The following TMEM184C variants were observed in gnomAD, a reference collection of about 807,000 sequenced individuals.
The protein encoded by TMEM184C is transmembrane protein 184C.
A neutral mutation model predicts 54.5 loss-of-function variants in TMEM184C; 25 were observed. The ratio of observed to expected loss-of-function variants is 0.46; its 90% CI spans 0.33 to 0.64. TMEM184C has a LOEUF of 0.64. Among genes scored for constraint, TMEM184C ranks in the 30% least tolerant of loss-of-function variants. The probability of loss-of-function intolerance (pLI) is 0.02; values close to 1 mark genes in which losing one functional copy is unlikely to be tolerated. For synonymous variants in TMEM184C, 148 were observed against 181.5 expected, an observed-to-expected ratio of 0.82 and a Z score of 1.49; for missense variants, 335 against 520.3, an observed-to-expected ratio of 0.64 and a Z score of 3.46.
intron 1 of TMEM184C, among the ~76,000 whole-genome samples, chr4:147,623,619 C>A (rs1732756401): frequency 6.9e-6 from 1 of 144,648 alleles, no homozygotes; most frequent in Non-Finnish European, 1.5e-5. Context: ...GTCCCCCCTC[C>A]CCCACAAATT....
Position 147,634,168 on chromosome 4 carries a change from G to A in TMEM184C, c.1052-1G>A, listed in dbSNP as rs1732968086. The A allele has an allele frequency of 6.2e-7, 1 of 1,611,318 alleles. No individual in the cohort carries two copies. Among genetic ancestry groups the A allele is most frequent in the South Asian group, 1.1e-5 (1 of 90,810 alleles). On this transcript the variant is annotated splice_acceptor_variant, in intron 9 of 9. Coordinates refer to ENST00000296582, the MANE Select transcript of TMEM184C (RefSeq NM_018241.3). LOFTEE classifies it high-confidence loss of function. ...GACTAACAGAAAACTTTATATTAAA[G>A]GACGGACAGTCAGGGGACATCCCAG...
intron 1 of TMEM184C, among the ~76,000 whole-genome samples, chr4:147,623,185 G>T (rs937719362): frequency 6.6e-6 from 1 of 152,158 alleles, no homozygotes; most frequent in Non-Finnish European, 1.5e-5. Context: ...GGTGGCTCAT[G>T]CCTGTAATCC....
At chr4:147,618,111 C>T in intron 1 of TMEM184C, 32 bp downstream of exon 1, 1 of 1,612,956 alleles carries the variant, frequency 6.2e-7, no homozygotes. Flanking sequence ...AGCCTGTACA[C>T]TTTCTTCTAC....
chr4:147,634,233 T>C lies in TMEM184C; in HGVS notation c.1116T>C (p.His372=), dbSNP rs145228205. 1.5e-4 allele frequency: 244 copies of C among 1,614,110 alleles called. 1 individual carries two copies. The African/African-American group carries it at 2.5e-3, about 16-fold the overall frequency. ...CCGAGGATCAAGATCAAAATGAACA[T>C]ACAAGTTTATTATCATCATCATCAC... ...LFPEDQDQNE[H]TSLLSSSSQD... is the part of the protein sequence containing the mutation. Residue 372 remains histidine, a synonymous_variant, in exon 10 of 10, where the codon CAT becomes CAC. Coordinates refer to ENST00000296582, the MANE Select transcript of TMEM184C (RefSeq NM_018241.3).
Position 147,633,863 on chromosome 4 carries a change from C to T in TMEM184C, c.978C>T (p.Cys326=), listed in dbSNP as rs756409717. 8.5e-5 allele frequency: 137 copies of T among 1,613,760 alleles called. No individual in the cohort carries two copies. The highest frequency in any genetic ancestry group is 1.1e-4 in the Non-Finnish European group (132 of 1,179,966). Residue 326 remains cysteine (C), a synonymous_variant, in exon 9 of 10, where the codon TGC becomes TGT. Coordinates refer to ENST00000296582, the MANE Select transcript of TMEM184C (RefSeq NM_018241.3). The stretch of plus-strand genomic sequence containing the variant: ...TCCAAGAAGCAGAAGAGGGCTCATG[C>T]TTTGATTCCTTTCTTGCCATGTGGG... ...PYVQEAEEGS[C]FDSFLAMWDV...
At chr4:147,621,322 T>G (rs1732704431) in intron 1 of TMEM184C, among the ~76,000 whole-genome samples, 1 of 152,192 alleles carries the variant, frequency 6.6e-6, no homozygotes, top group Admixed American at 6.5e-5. Context: ...AACTTATTCT[T>G]GGATGCTTGT....
At chr4:147,618,115 C>G (rs767931767) in intron 1 of TMEM184C, 36 bp downstream of exon 1, 4 of 1,612,324 alleles carry the variant, frequency 2.5e-6, no homozygotes, top group African/African-American at 2.7e-5. Flanking sequence ...TGTACACTTT[C>G]TTCTACCCAT....
chr4:147,634,028 A>AAAAG, intron 9 of TMEM184C, 92 bp downstream of exon 9: 2 of 1,523,834 alleles, frequency 1.3e-6, no homozygotes, highest in Admixed American at 4.1e-5. Flanking sequence ...TAGAGATGAA[A>AAAAG]AAAGACTTTA....
rs1733004340 is a variant in TMEM184C at position 147,635,418 on chromosome 4, A to G, written c.*984A>G. 6.6e-6 allele frequency: 1 copy of G among 152,222 alleles called. No individual in the cohort carries two copies. Among genetic ancestry groups the G allele is most frequent in the Non-Finnish European group, 1.5e-5 (1 of 68,028 alleles). The allele number at this position is 152,222 out of a possible 1,614,324, so 9.4% of individuals were successfully genotyped here. A position where few individuals can be genotyped will look rare whatever the true frequency, so the allele number is the denominator to read the frequency against. On this transcript the variant is annotated 3_prime_UTR_variant, in exon 10 of 10. Coordinates refer to ENST00000296582, the MANE Select transcript of TMEM184C (RefSeq NM_018241.3). ...ATTACTCATTAAACCACAGTCAGAA[A>G]GACATATAGGTGCTATTTGGGAAAA...
intron 6 of TMEM184C, among the ~76,000 whole-genome samples, chr4:147,630,922 G>C (rs559587700): frequency 6.6e-4 from 100 of 151,992 alleles, no homozygotes; most frequent in Non-Finnish European, 1.1e-3. Flanking sequence ...CTAATACACC[G>C]CTCTCAGGAA....
At position 147,628,397 on chromosome 4, in the gene TMEM184C, G is replaced by T. The variant is rs749970978; in HGVS notation, c.534G>T (p.Gln178His). 6.2e-7 allele frequency: 1 copy of T among 1,613,804 alleles called. No homozygotes were observed. The highest frequency in any genetic ancestry group is 1.1e-5 in the South Asian group (1 of 91,000). Residue 178 changes from glutamine to histidine, a missense_variant, in exon 5 of 10, where the codon CAG becomes CAT. Physicochemically the swap from Gln to His is conservative, Grantham distance 24. Coordinates refer to ENST00000296582, the MANE Select transcript of TMEM184C (RefSeq NM_018241.3). The part of the protein sequence containing the change: ...LLFRCKLGVL[Q>H]YTVVRPFTTI... ...TTAGGTGCAAACTAGGTGTATTACA[G>T]TACACAGTTGTCAGACCTTTCACCA...
intron 1 of TMEM184C, among the ~76,000 whole-genome samples, chr4:147,619,814 G>A (rs1354815319): frequency 6.6e-6 from 1 of 152,174 alleles, no homozygotes. Context: ...TTCCCAACAT[G>A]TCTTGCTTGG....
intron 6 of TMEM184C, among the ~76,000 whole-genome samples, chr4:147,630,797 G>A (rs1308232594): frequency 6.6e-6 from 1 of 151,976 alleles, no homozygotes; most frequent in African/African-American, 2.4e-5. Context: ...GATTTTAATA[G>A]GGAATAGTGA....
chr4:147,629,225 A>C (rs993868125), intron 5 of TMEM184C, among the ~76,000 whole-genome samples: 3 of 152,114 alleles, frequency 2.0e-5, no homozygotes, highest in Admixed American at 6.5e-5. Context: ...ACAGTTATAT[A>C]CACCTGCATT....
At chr4:147,632,869 A>G in intron 7 of TMEM184C, 34 bp from the exon 8 acceptor site, 3 of 1,587,080 alleles carry the variant, frequency 1.9e-6, no homozygotes, top group East Asian at 2.2e-5. Context: ...TATGCTTGAT[A>G]TAGATTTGGC....
rs1023547959 is a variant in TMEM184C at position 147,617,588 on chromosome 4, G to A, written c.-369G>A. 1.3e-5 allele frequency: 3 copies of A among 228,352 alleles called. No homozygotes were observed. Among genetic ancestry groups the A allele is most frequent in the South Asian group, 1.3e-4 (2 of 15,948 alleles). 14.1% of individuals were successfully genotyped at this position (228,352 alleles called of 1,614,324 possible). A position where few individuals can be genotyped will look rare whatever the true frequency, so the allele number is the denominator to read the frequency against. On this transcript the variant is annotated 5_prime_UTR_variant, in exon 1 of 10. Transcript: ENST00000296582. ...AACCGGAGTGTGCAGGGTCCCTAGA[G>A]GCCGGTTCCTGGTCTGTGCTGCTCT...
intron 7 of TMEM184C, 75 bp from the exon 8 acceptor site, chr4:147,632,827 TA>T: frequency 7.3e-7 from 1 of 1,375,658 alleles, no homozygotes; most frequent in Non-Finnish European, 1.0e-6. Context: ...GATTTTTTTT[TA>T]ATGGCACATT....
intron 1 of TMEM184C, among the ~76,000 whole-genome samples, chr4:147,620,523 G>A (rs1455731044): frequency 6.6e-6 from 1 of 152,220 alleles, no homozygotes; most frequent in Non-Finnish European, 1.5e-5. Flanking sequence ...GAAGTGAAGG[G>A]AAGTTAGAAA....
Position 147,620,976 on chromosome 4 carries a change from G to A in TMEM184C, c.124-2858G>A, listed in dbSNP as rs371609604. Among the ~76,000 whole-genome samples, 3 of 152,324 alleles carry A rather than the reference G, an allele frequency of 2.0e-5. No individual in the cohort carries two copies. The South Asian group carries it at 6.2e-4, about 32-fold the overall frequency. On this transcript the variant is annotated intron_variant, in intron 1 of 9. Coordinates refer to ENST00000296582, the MANE Select transcript of TMEM184C (RefSeq NM_018241.3). Reference sequence around the variant, plus strand: ...GCCGTGAGAAAATACCATAGCCTGAGTGGCTTAAACTACAGAAATTTATTT... The same window carrying A: ...GCCGTGAGAAAATACCATAGCCTGAATGGCTTAAACTACAGAAATTTATTT...
Sources: allele counts gnomAD v4.1 joint callset (sites outside exome capture counted in the v4.1 genomes callset), GRCh38; gene constraint gnomAD v4.1.1; transcripts MANE v1.5; gene names NCBI Gene and HGNC (gene_info 2026-07-23, HGNC 2026-07-21).